The following TFEC variants were observed in gnomAD, a reference collection of about 807,000 sequenced individuals.
The protein encoded by TFEC is transcription factor EC.
A neutral mutation model predicts 41.6 loss-of-function variants in TFEC; 31 were observed. The ratio of observed to expected loss-of-function variants is 0.74; its 90% confidence interval spans 0.56 to 1.01. TFEC has a LOEUF of 1.01. Ranked by LOEUF, TFEC falls within the 50% of genes least tolerant of loss-of-function variation. The probability of loss-of-function intolerance (pLI) is 0.00; values close to 1 mark genes in which losing one functional copy is unlikely to be tolerated. For missense variants in TFEC, 402 were observed against 404.1 expected (o/e 0.99, Z 0.04); for synonymous variants, 143 against 140.6 (o/e 1.02, Z -0.12).
chr7:115,985,694 G>A (rs990088005), intron 1 of TFEC, among the ~76,000 whole-genome samples: 8 of 152,026 alleles, frequency 5.3e-5, no homozygotes, highest in African/African-American at 1.9e-4. Context: ...AATTGTACTA[G>A]CATAAAATAA....
chr7:116,041,078 G>A (rs545822698), intron 3 of TFEC, among the ~76,000 whole-genome samples: 65 of 152,074 alleles, frequency 4.3e-4, no homozygotes, highest in African/African-American at 1.2e-3. Context: ...GAAAAGGATC[G>A]GTTAAAAGTT....
chr7:115,964,802 G>A (rs956094093), intron 3 of TFEC, among the ~76,000 whole-genome samples: 5 of 151,556 alleles, frequency 3.3e-5, no homozygotes, highest in Non-Finnish European at 7.4e-5. Flanking sequence ...GAAGAAAAGT[G>A]CTATGTTTAC....
intron 1 of TFEC, among the ~76,000 whole-genome samples, chr7:116,015,766 T>G (rs1047673839): frequency 1.3e-5 from 2 of 152,258 alleles, no homozygotes; most frequent in Admixed American, 1.3e-4. Context: ...TGGGAAATAG[T>G]GAAGAAGATG....
intron 1 of TFEC, among the ~76,000 whole-genome samples, chr7:116,147,327 G>C (rs2116437439): frequency 6.6e-6 from 1 of 152,196 alleles, no homozygotes; most frequent in African/African-American, 2.4e-5. Context: ...CAAAGACAAA[G>C]AGTTCTTAAA....
At chr7:116,010,125 T>G (rs1382798320) in intron 1 of TFEC, among the ~76,000 whole-genome samples, 1 of 152,052 alleles carries the variant, frequency 6.6e-6, no homozygotes, top group African/African-American at 2.4e-5. Context: ...GAAAGGATAA[T>G]GGAGCTAGAG....
chr7:115,972,620 C>T (rs1208318015), intron 3 of TFEC, among the ~76,000 whole-genome samples: 1 of 152,058 alleles, frequency 6.6e-6, no homozygotes, highest in African/African-American at 2.4e-5. Context: ...AATTGAACTG[C>T]TTTGTTTTAC....
chr7:116,034,216 T>C (rs188739958), upstream of TFEC, among the ~76,000 whole-genome samples: 22 of 152,214 alleles, frequency 1.4e-4, 1 homozygote, highest in African/African-American at 4.6e-4. Flanking sequence ...AGCCTGTTCT[T>C]TCCCCTACCC....
rs1053270333 is a variant in TFEC, at chr7:115,988,431, C to T, written c.-72-3918G>A. Among the ~76,000 whole-genome samples, 11 of 151,962 alleles carry T rather than the reference C, an allele frequency of 7.2e-5. No individual in the cohort carries two copies. The South Asian group carries it at 2.3e-3, about 32-fold the overall frequency. ...AAACACTGTAGAGAAATGAAGAATGCTTTTGATGAGTTTATTAATACACTG... is the reference window on the plus strand; with the variant it reads ...AAACACTGTAGAGAAATGAAGAATGTTTTTGATGAGTTTATTAATACACTG... On this transcript the variant is annotated intron_variant, in intron 1 of 7. Coordinates refer to ENST00000265440, the MANE Select transcript of TFEC (RefSeq NM_012252.4).
At chr7:116,106,610 AC>A (rs1461626324) in intron 3 of TFEC, among the ~76,000 whole-genome samples, 1 of 151,998 alleles carries the variant, frequency 6.6e-6, no homozygotes, top group Non-Finnish European at 1.5e-5. Context: ...CCAATGCCTG[AC>A]CTCAAGTCTT....
At chr7:116,037,373 A>G (rs899866630) in intron 3 of TFEC, among the ~76,000 whole-genome samples, 1 of 152,018 alleles carries the variant, frequency 6.6e-6, no homozygotes, top group Non-Finnish European at 1.5e-5. Context: ...GTCTCCTAAG[A>G]AATTTAGAAA....
At chr7:116,002,971 C>CA (rs1400314595) in intron 1 of TFEC, among the ~76,000 whole-genome samples, 1 of 151,780 alleles carries the variant, frequency 6.6e-6, no homozygotes. Flanking sequence ...ATTAAAACCA[C>CA]AAAAGGCGAA....
chr7:115,984,285 C>A lies in TFEC; in HGVS notation c.157G>T (p.Glu53Ter), dbSNP rs1562911248. The change falls in exon 2 of 8, where the codon GAA (glutamate) becomes TAA (stop). Residue 53 changes from glutamate to a stop codon, truncating the protein, a stop_gained. Transcript: ENST00000265440. LOFTEE classifies it high-confidence loss of function. ...ACATGCCATTGTGCATTGTCATCTT[C>A]TTTCCCAATAGCTAGTAACTTGGTG... ...PLTKLLAIGKEDDNAQWHMED... is the reference protein window; with the variant it reads ...PLTKLLAIGK 5 of 1,613,956 alleles carry A rather than the reference C, an allele frequency of 3.1e-6. No individual in the cohort carries two copies. The African/African-American group carries it at 4.0e-5, about 13-fold the overall frequency.
At chr7:116,141,705 C>A (rs1277877290) in intron 1 of TFEC, among the ~76,000 whole-genome samples, 1 of 152,106 alleles carries the variant, frequency 6.6e-6, no homozygotes, top group East Asian at 1.9e-4. Flanking sequence ...GTTATCTCTG[C>A]AAAAAGGTGA....
intron 3 of TFEC, among the ~76,000 whole-genome samples, chr7:115,971,496 AC>A (rs751667755): frequency 6.6e-6 from 1 of 151,554 alleles, no homozygotes; most frequent in African/African-American, 2.4e-5. Context: ...CACTTTATCT[AC>A]CTTTTGGGGG....
intron 3 of TFEC, among the ~76,000 whole-genome samples, chr7:116,072,207 G>C (rs1361253659): frequency 6.6e-6 from 1 of 151,356 alleles, no homozygotes; most frequent in Non-Finnish European, 1.5e-5. Flanking sequence ...AAATTCTTTA[G>C]AATTTTCTAT....
chr7:115,974,564 C>G (rs931411935), intron 2 of TFEC, among the ~76,000 whole-genome samples: 1 of 148,804 alleles, frequency 6.7e-6, no homozygotes, highest in African/African-American at 2.5e-5. Context: ...ACAAATCACC[C>G]TGGGCTAGTC....
At chr7:116,159,660 G>T (rs920330193) in intron 1 of TFEC, 6 of 152,076 alleles carry the variant, frequency 3.9e-5, no homozygotes, top group Non-Finnish European at 5.9e-5. Context: ...TTGAGCTAAT[G>T]TAAGTTAAAA....
At chr7:116,052,646 C>T (rs1796338250) in intron 3 of TFEC, among the ~76,000 whole-genome samples, 1 of 151,602 alleles carries the variant, frequency 6.6e-6, no homozygotes, top group Non-Finnish European at 1.5e-5. Context: ...CCAGGATGGT[C>T]TCAATCTCTT....
intron 2 of TFEC, among the ~76,000 whole-genome samples, chr7:115,979,994 T>C (rs1344636516): frequency 2.0e-5 from 3 of 152,218 alleles, no homozygotes; most frequent in Non-Finnish European, 4.4e-5. Context: ...GAAGCATTGC[T>C]TTGATTATGA....
Sources: gnomAD v4.1 joint callset for allele counts (sites outside exome capture counted in the v4.1 genomes callset) on GRCh38, gnomAD v4.1.1 for gene constraint, MANE v1.5 for transcripts, NCBI Gene and HGNC (gene_info 2026-07-23, HGNC 2026-07-21) for gene names.